Variants in SLC24A2 observed in about 807,000 individuals in gnomAD.
The protein encoded by SLC24A2 is sodium/potassium/calcium exchanger 2.
Under a neutral mutation model 62.0 loss-of-function variants are expected in SLC24A2, and 36 were observed. The ratio of observed to expected loss-of-function variants is 0.58; its 90% CI spans 0.44 to 0.77. The LOEUF (loss-of-function observed/expected upper bound fraction) is 0.77. Ranked by LOEUF, SLC24A2 falls within the 30% of genes least tolerant of loss-of-function variation. The probability of loss-of-function intolerance (pLI) is 0.00; values close to 1 mark genes in which losing one functional copy is unlikely to be tolerated. For missense variants in SLC24A2, 846 were observed against 817.9 expected, an observed-to-expected ratio of 1.03 and a Z score of -0.42; for synonymous variants, 358 against 294.0, an observed-to-expected ratio of 1.22 and a Z score of -2.23.
the SLC24A2 span, among the ~76,000 whole-genome samples, chr9:20,020,849 T>C: frequency 1.3e-5 from 2 of 152,170 alleles, no homozygotes; most frequent in African/African-American, 4.8e-5. Flanking sequence ...TTTAGGAAAG[T>C]CAAAGGAAAA....
At chr9:20,051,167 T>C in the SLC24A2 span, among the ~76,000 whole-genome samples, 1 of 152,190 alleles carries the variant, frequency 6.6e-6, no homozygotes, top group East Asian at 1.9e-4. Context: ...ATCATTTAAA[T>C]ATAAAAGAGT....
chr9:19,816,636 C>G, the SLC24A2 span, among the ~76,000 whole-genome samples: 1 of 152,108 alleles, frequency 6.6e-6, no homozygotes, highest in Non-Finnish European at 1.5e-5. Flanking sequence ...GGCATCTCAT[C>G]TGCTTCTTGT....
chr9:19,896,639 C>A, the SLC24A2 span, among the ~76,000 whole-genome samples: 1 of 152,188 alleles, frequency 6.6e-6, no homozygotes, highest in Non-Finnish European at 1.5e-5. Flanking sequence ...CCCCAAACCA[C>A]AAAGGTACTA....
intron 9 of SLC24A2, among the ~76,000 whole-genome samples, 196 bp from the exon 10 acceptor site, chr9:19,521,256 A>G (rs1383789741): frequency 1.3e-5 from 2 of 152,256 alleles, no homozygotes. Flanking sequence ...CCAAGGCATC[A>G]GGAATGTTCA....
chr9:19,520,909 A>C lies in SLC24A2; in HGVS notation c.1721T>G (p.Phe574Cys), dbSNP rs1833169259. The C allele has an allele frequency of 6.2e-7, 1 of 1,614,060 alleles. No individual in the cohort carries two copies. Among genetic ancestry groups the C allele is most frequent in the Admixed American group, 1.7e-5 (1 of 60,012 alleles). Reference sequence around the variant, plus strand: ...CTCTACTCACCCTACAGTGATGTCAAAAATGTTGCTTCCAACAGAGCTGGA... The same window carrying C: ...CTCTACTCACCCTACAGTGATGTCACAAATGTTGCTTCCAACAGAGCTGGA... ...AVSSSVGSNIFDITVGLPLPW... is the reference protein window; with the variant it reads ...AVSSSVGSNICDITVGLPLPW... The change falls in exon 10 of 11, where the codon TTT becomes TGT. Residue 574 changes from phenylalanine (F) to cysteine (C), a missense_variant. Phe to Cys is a radical substitution (Grantham distance 205). Coordinates refer to ENST00000341998, the MANE Select transcript of SLC24A2 (RefSeq NM_020344.4).
At chr9:19,815,499 G>A in the SLC24A2 span, among the ~76,000 whole-genome samples, 3 of 152,118 alleles carry the variant, frequency 2.0e-5, no homozygotes, top group Admixed American at 6.6e-5. Flanking sequence ...ATCATTTTGA[G>A]TGCTCATATC....
chr9:20,242,052 C>T, the SLC24A2 span, among the ~76,000 whole-genome samples: 2 of 152,218 alleles, frequency 1.3e-5, no homozygotes, highest in African/African-American at 2.4e-5. Context: ...ATCCTCTCCA[C>T]CATGCCCATC....
chr9:20,233,382 A>G, the SLC24A2 span, among the ~76,000 whole-genome samples: 2 of 152,182 alleles, frequency 1.3e-5, no homozygotes, highest in African/African-American at 4.8e-5. Flanking sequence ...TAGGTCACTC[A>G]GGACTTGCTT....
chr9:19,522,677 C>T (rs1408330018), intron 9 of SLC24A2, among the ~76,000 whole-genome samples: 1 of 152,170 alleles, frequency 6.6e-6, no homozygotes, highest in African/African-American at 2.4e-5. Context: ...GCAGGATCCT[C>T]ACCTTGGTCA....
intron 4 of SLC24A2, among the ~76,000 whole-genome samples, chr9:19,602,920 A>G (rs767882770): frequency 5.9e-5 from 9 of 152,210 alleles, no homozygotes; most frequent in Admixed American, 1.3e-4. Context: ...TCCTGTTGTC[A>G]CTATTATTGC....
chr9:19,530,514 TTGAGA>T (rs1261594706), intron 8 of SLC24A2, among the ~76,000 whole-genome samples: 1 of 152,214 alleles, frequency 6.6e-6, no homozygotes, highest in African/African-American at 2.4e-5. Flanking sequence ...TGTTTATTCT[TTGAGA>T]TAACTTCACA....
chr9:19,539,776 C>T (rs1252360302), intron 8 of SLC24A2, among the ~76,000 whole-genome samples: 3 of 8,646 alleles, frequency 3.5e-4, no homozygotes, highest in Non-Finnish European at 5.2e-4. Flanking sequence ...CTTTCTGTCT[C>T]GTTGATCTGT....
chr9:20,297,788 C>G, the SLC24A2 span, among the ~76,000 whole-genome samples: 2 of 152,226 alleles, frequency 1.3e-5, no homozygotes, highest in African/African-American at 4.8e-5. Flanking sequence ...TTTTAGGTTA[C>G]AGACAGTGCT....
the SLC24A2 span, among the ~76,000 whole-genome samples, chr9:19,961,141 GA>G: frequency 0.011 from 69 of 6,134 alleles, no homozygotes; most frequent in Middle Eastern, 0.05. Flanking sequence ...GAAGAAAGGG[GA>G]GAGAGAGAGA....
chr9:19,567,287 C>T (rs560986245), intron 7 of SLC24A2, among the ~76,000 whole-genome samples: 13 of 151,802 alleles, frequency 8.6e-5, no homozygotes, highest in African/African-American at 3.1e-4. Flanking sequence ...TGGCTCACAC[C>T]TGTAATCCCA....
chr9:19,735,052 C>T (rs946124332), intron 2 of SLC24A2, among the ~76,000 whole-genome samples: 12 of 152,028 alleles, frequency 7.9e-5, no homozygotes, highest in African/African-American at 2.9e-4. Context: ...GCAAAAGAAA[C>T]CACCATCAGA....
At chr9:20,032,516 G>C in the SLC24A2 span, among the ~76,000 whole-genome samples, 2 of 152,154 alleles carry the variant, frequency 1.3e-5, no homozygotes, top group Non-Finnish European at 2.9e-5. Context: ...GTAGCCATTA[G>C]CATTTTGCCC....
At chr9:19,719,010 A>G (rs1820947167) in intron 2 of SLC24A2, among the ~76,000 whole-genome samples, 1 of 152,224 alleles carries the variant, frequency 6.6e-6, no homozygotes, top group African/African-American at 2.4e-5. Flanking sequence ...ATTAGAAGAA[A>G]GCAATCAAGT....
chr9:19,838,310 A>C, the SLC24A2 span, among the ~76,000 whole-genome samples: 2,629 of 152,242 alleles, frequency 0.017, 36 homozygotes, highest in Admixed American at 0.026. Flanking sequence ...CAAAAACAAG[A>C]AATGGGGAAA....
Sources: gnomAD v4.1 joint callset for allele counts (sites outside exome capture counted in the v4.1 genomes callset) on GRCh38, gnomAD v4.1.1 for gene constraint, MANE v1.5 for transcripts, NCBI Gene and HGNC (gene_info 2026-07-23, HGNC 2026-07-21) for gene names.